Variants in SYT1 observed in about 807,000 individuals in gnomAD.
The protein encoded by SYT1 is synaptotagmin 1.
Under a neutral mutation model 44.8 loss-of-function variants are expected in SYT1, and 8 were observed. The ratio of observed to expected loss-of-function variants is 0.18; its 90% CI spans 0.10 to 0.32. The LOEUF is 0.32. Among genes scored for constraint, SYT1 ranks in the 10% least tolerant of loss-of-function variants. The pLI is 1.00. For synonymous variants in SYT1, 154 were observed against 188.8 expected, an observed-to-expected ratio of 0.82 and a Z score of 1.51; for missense variants, 286 against 509.3, an observed-to-expected ratio of 0.56 and a Z score of 4.22.
intron 4 of SYT1, among the ~76,000 whole-genome samples, chr12:79,221,899 T>C (rs1875186052): frequency 6.6e-6 from 1 of 152,200 alleles, no homozygotes; most frequent in African/African-American, 2.4e-5. Context: ...GCAAATTTTA[T>C]ACTTTTAAAT....
At chr12:79,044,984 A>G (rs1209080217) in intron 2 of SYT1, among the ~76,000 whole-genome samples, 9 of 152,206 alleles carry the variant, frequency 5.9e-5, no homozygotes, top group Non-Finnish European at 5.9e-5. Flanking sequence ...CCGTTCTCAG[A>G]TCTGCAGCTG....
chr12:79,073,933 G>A (rs1876463146), intron 3 of SYT1, among the ~76,000 whole-genome samples: 1 of 151,942 alleles, frequency 6.6e-6, no homozygotes, highest in Non-Finnish European at 1.5e-5. Context: ...CTTAATTCAG[G>A]CCTTATTTAC....
intron 4 of SYT1, among the ~76,000 whole-genome samples, chr12:79,261,759 C>A (rs984367635): frequency 6.6e-6 from 1 of 151,996 alleles, no homozygotes. Context: ...GTTATTATTG[C>A]GGTATTATTA....
intron 9 of SYT1, among the ~76,000 whole-genome samples, chr12:79,383,926 T>G (rs556728832): frequency 6.6e-6 from 1 of 152,190 alleles, no homozygotes; most frequent in Non-Finnish European, 1.5e-5. Flanking sequence ...TAACCTGTCC[T>G]TGATCATACC....
chr12:78,910,859 A>C (rs1157793570), intron 1 of SYT1, among the ~76,000 whole-genome samples: 1 of 152,020 alleles, frequency 6.6e-6, no homozygotes, highest in Non-Finnish European at 1.5e-5. Flanking sequence ...GATAATGTGC[A>C]TGGGAAAGAG....
intron 3 of SYT1, among the ~76,000 whole-genome samples, chr12:79,200,359 G>A (rs1420986111): frequency 6.6e-6 from 1 of 152,044 alleles, no homozygotes; most frequent in African/African-American, 2.4e-5. Flanking sequence ...TTACAGTGGA[G>A]TAATTTATTA....
chr12:78,926,745 T>C (rs560528310), intron 1 of SYT1: 1 of 152,202 alleles, frequency 6.6e-6, no homozygotes, highest in Admixed American at 6.6e-5. Flanking sequence ...CATGACAATC[T>C]TTCTAAGAGA....
chr12:79,264,343 C>T (rs1322215720), intron 4 of SYT1, among the ~76,000 whole-genome samples: 1 of 151,942 alleles, frequency 6.6e-6, no homozygotes, highest in Non-Finnish European at 1.5e-5. Context: ...CCACACCTGG[C>T]TAATTTTTTG....
chr12:79,112,211 C>T (rs1469522114), intron 3 of SYT1, among the ~76,000 whole-genome samples: 1 of 151,972 alleles, frequency 6.6e-6, no homozygotes, highest in Non-Finnish European at 1.5e-5. Flanking sequence ...TACTAACAGA[C>T]TCATGGGTAT....
At chr12:78,878,930 A>T (rs188326733) in intron 1 of SYT1, among the ~76,000 whole-genome samples, 7 of 151,812 alleles carry the variant, frequency 4.6e-5, no homozygotes, top group Admixed American at 2.0e-4. Flanking sequence ...AAGTTTAAGG[A>T]TTCATTGCAG....
At chr12:78,936,763 G>A (rs186488936) in intron 1 of SYT1, among the ~76,000 whole-genome samples, 1 of 152,286 alleles carries the variant, frequency 6.6e-6, no homozygotes, top group East Asian at 1.9e-4. Flanking sequence ...CAACTCCACT[G>A]AAATAAAAGG....
Position 78,883,808 on chromosome 12 carries a change from G to A in SYT1, c.-217+18699G>A, listed in dbSNP as rs182686383. Among the ~76,000 whole-genome samples the A allele has an allele frequency of 2.0e-5, 3 of 151,182 alleles. No individual in the cohort carries two copies. The Admixed American group carries it at 2.0e-4, about 10-fold the overall frequency. ...TTCAGTTATATTATAAATCTCTATG[G>A]CATCCAAAGTGCGAAGGGGTTCTGT... On this transcript the variant is annotated intron_variant, in intron 1 of 10. Transcript: ENST00000261205.
chr12:79,179,526 G>GATATAGATATATCT (rs1205287718), intron 3 of SYT1, among the ~76,000 whole-genome samples: 1 of 14,504 alleles, frequency 6.9e-5, no homozygotes, highest in African/African-American at 5.0e-4. Context: ...TATCTATATA[G>GATATAGATATATCT]ATATAGATAT....
At chr12:79,389,093 A>T (rs1052333170) in intron 9 of SYT1, among the ~76,000 whole-genome samples, 1 of 152,216 alleles carries the variant, frequency 6.6e-6, no homozygotes, top group Non-Finnish European at 1.5e-5. Flanking sequence ...CTCTCTCTCT[A>T]CTTACAACAG....
At chr12:79,316,242 T>G (rs1036101104) in intron 8 of SYT1, among the ~76,000 whole-genome samples, 1 of 152,240 alleles carries the variant, frequency 6.6e-6, no homozygotes, top group Non-Finnish European at 1.5e-5. Context: ...TTGCCTGTTT[T>G]GAACTATATA....
At chr12:79,176,398 A>G (rs2138373873) in intron 3 of SYT1, among the ~76,000 whole-genome samples, 1 of 152,144 alleles carries the variant, frequency 6.6e-6, no homozygotes, top group South Asian at 2.1e-4. Context: ...ATCTAATGTT[A>G]CCCAGACCGA....
chr12:79,178,973 TAGATATAG>T (rs1872109293), intron 3 of SYT1, among the ~76,000 whole-genome samples: 3 of 101,730 alleles, frequency 2.9e-5, no homozygotes, highest in South Asian at 5.7e-4. Context: ...TATAGATATA[TAGATATAG>T]ATATATCTAT....
chr12:79,424,760 TCTTAA>T (rs1296370354), intron 9 of SYT1, among the ~76,000 whole-genome samples: 1 of 152,112 alleles, frequency 6.6e-6, no homozygotes, highest in Non-Finnish European at 1.5e-5. Flanking sequence ...TGAAATATTC[TCTTAA>T]CTTCTGTTTG....
At chr12:79,367,725 TCTC>T (rs1398603958) in intron 9 of SYT1, among the ~76,000 whole-genome samples, 1 of 152,032 alleles carries the variant, frequency 6.6e-6, no homozygotes, top group Non-Finnish European at 1.5e-5. Flanking sequence ...ACGTCTGCCT[TCTC>T]CTTAAATCAG....
Sources: allele counts gnomAD v4.1 joint callset (sites outside exome capture counted in the v4.1 genomes callset), GRCh38; gene constraint gnomAD v4.1.1; transcripts MANE v1.5; gene names NCBI Gene and HGNC (gene_info 2026-07-23, HGNC 2026-07-21).